The following TUBGCP6 variants were observed in gnomAD, a reference collection of about 807,000 sequenced individuals.
The protein encoded by TUBGCP6 is gamma-tubulin complex component 6.
A neutral mutation model predicts 175.8 loss-of-function variants in TUBGCP6; 161 were observed. The ratio of observed to expected loss-of-function variants is 0.92; its 90% CI spans 0.81 to 1.04. The LOEUF is 1.04. Ranked by LOEUF, TUBGCP6 falls within the 50% of genes least tolerant of loss-of-function variation. The pLI, the probability that TUBGCP6 is intolerant of heterozygous loss-of-function variation, is 0.00. For missense variants in TUBGCP6, 2,572 were observed against 2,433.0 expected (o/e 1.06, Z -1.20); for synonymous variants, 1,173 against 1,030.5 (o/e 1.14, Z -2.65).
Position 50,244,410 on chromosome 22 carries a change from G to A in TUBGCP6, c.50C>T (p.Pro17Leu), listed in dbSNP as rs374269657. The change falls in exon 1 of 25, where the codon CCG (proline) becomes CTG (leucine). Residue 17 changes from proline to leucine, a missense_variant. Physicochemically the swap from Pro to Leu is moderately conservative, Grantham distance 98 (BLOSUM62 -3). Transcript: ENST00000248846. ...LFDDLCEALLPAAKTHLGQRS... is the reference protein window; with the variant it reads ...LFDDLCEALLLAAKTHLGQRS... Reference sequence around the variant, plus strand: ...CTGGCCCAGGTGAGTCTTGGCAGCCGGCAGGAGGGCCTCACACAGGTCGTC... The same window carrying A: ...CTGGCCCAGGTGAGTCTTGGCAGCCAGCAGGAGGGCCTCACACAGGTCGTC... 24 of 1,613,024 alleles carry A rather than the reference G, an allele frequency of 1.5e-5. 1 individual carries two copies. The South Asian group carries it at 1.6e-4, about 11-fold the overall frequency.
chr22:50,237,364 G>C (rs2064789749), intron 2 of TUBGCP6, among the ~76,000 whole-genome samples: 1 of 152,250 alleles, frequency 6.6e-6, no homozygotes, highest in Admixed American at 6.5e-5. Context: ...CTAGCAGGTG[G>C]CTGGGATTTA....
chr22:50,218,967 G>C (rs1208325394), intron 20 of TUBGCP6, 70 bp from the exon 21 acceptor site: 1 of 1,588,116 alleles, frequency 6.3e-7, no homozygotes, highest in Non-Finnish European at 8.6e-7. Flanking sequence ...GCACCCCATG[G>C]GGCTGTGCCA....
intron 13 of TUBGCP6, chr22:50,223,313 A>G (rs2064556890): frequency 6.6e-6 from 1 of 152,368 alleles, no homozygotes. Context: ...GACCTACAGC[A>G]TCGCGTGGGG....
rs1344672297 is a variant in TUBGCP6, at chr22:50,231,890, A to AAAAC, written c.1116+1422_1116+1425dup. Reference sequence around the variant, plus strand: ...AAAAAAAAAAGAAAAGATGACTATGAAAACAAGAGAAAAAAATCAAGTTAC... The same window carrying AAAAC: ...AAAAAAAAAAGAAAAGATGACTATGAAAACAAACAAGAGAAAAAAATCAAGTTAC... On this transcript the variant is annotated intron_variant, in intron 3 of 24. Coordinates refer to ENST00000248846, the MANE Select transcript of TUBGCP6 (RefSeq NM_020461.4). Among the ~76,000 whole-genome samples, 50 of 150,876 alleles carry AAAAC rather than the reference A, an allele frequency of 3.3e-4. 1 individual carries two copies. The highest frequency in any genetic ancestry group is 1.0e-4 in the Non-Finnish European group (7 of 67,802).
chr22:50,224,684 A>G, intron 10 of TUBGCP6, 92 bp from the exon 11 acceptor site: 1 of 1,257,430 alleles, frequency 8.0e-7, no homozygotes, highest in Non-Finnish European at 1.1e-6. Context: ...AGGTGGGTAG[A>G]TCACATGAGC....
chr22:50,237,792 G>A (rs927176062), intron 2 of TUBGCP6, among the ~76,000 whole-genome samples: 2 of 152,208 alleles, frequency 1.3e-5, no homozygotes. Context: ...CTCCTCATCA[G>A]CAACCCGAAA....
intron 16 of TUBGCP6, 67 bp from the exon 17 acceptor site, chr22:50,220,082 C>T (rs1245365554): frequency 1.2e-4 from 194 of 1,568,770 alleles, no homozygotes; most frequent in Non-Finnish European, 1.6e-4. Flanking sequence ...AGAGCCGAGC[C>T]GGCCCTGGCT....
chr22:50,227,229 C>A, intron 5 of TUBGCP6, 152 bp from the exon 6 acceptor site: 1 of 690,496 alleles, frequency 1.4e-6, no homozygotes, highest in Non-Finnish European at 2.4e-6. Context: ...CCCAACCACC[C>A]AGAAACGGGC....
intron 1 of TUBGCP6, among the ~76,000 whole-genome samples, chr22:50,241,159 T>C (rs1338590939): frequency 6.6e-6 from 1 of 152,246 alleles, no homozygotes; most frequent in African/African-American, 2.4e-5. Flanking sequence ...ATAATAATCT[T>C]CGCTCTACAA....
intron 3 of TUBGCP6, 90 bp downstream of exon 3, chr22:50,233,226 G>A: frequency 1.4e-6 from 2 of 1,461,550 alleles, no homozygotes; most frequent in Non-Finnish European, 1.9e-6. Context: ...CCTGCACTGG[G>A]GCTTGTTCTG....
chr22:50,222,340 G>A lies in TUBGCP6; in HGVS notation c.2409+114C>T, dbSNP rs542629996. ...GGAGAGAGAGTGCTCTGCCGCAAAC[G>A]CGAAAGCCACCAGCCCTCTCCTAGA... is the stretch of plus-strand genomic sequence containing the variant. On this transcript the variant is annotated intron_variant, in intron 14 of 24. Coordinates refer to ENST00000248846, the MANE Select transcript of TUBGCP6 (RefSeq NM_020461.4). 3.2e-5 allele frequency: 48 copies of A among 1,484,460 alleles called. No homozygotes were observed. The African/African-American group carries it at 4.2e-4, about 13-fold the overall frequency. The allele number at this position is 1,484,460 out of a possible 1,614,324, so 92.0% of individuals were successfully genotyped here. A position where few individuals can be genotyped will look rare whatever the true frequency, so the allele number is the denominator to read the frequency against.
Position 50,243,874 on chromosome 22 carries a change from A to G in TUBGCP6, c.586T>C (p.Phe196Leu). Residue 196 changes from phenylalanine (F) to leucine (L), a missense_variant, in exon 1 of 25, where the codon TTC becomes CTC. Phe to Leu is a conservative substitution (Grantham distance 22). Coordinates refer to ENST00000248846, the MANE Select transcript of TUBGCP6 (RefSeq NM_020461.4). ...TCACCACAAGGGTCACCAAATGAGA[A>G]GAGCCCGACGGTGGGCAGGCCAGTG... Reference protein sequence around the residue: ...PGTGLPTVGLFSFGDPCGDRF... With the variant: ...PGTGLPTVGLLSFGDPCGDRF... 6.2e-7 allele frequency: 1 copy of G among 1,613,788 alleles called. No homozygotes were observed. The highest frequency in any genetic ancestry group is 8.5e-7 in the Non-Finnish European group (1 of 1,179,976).
chr22:50,232,492 G>A (rs1825721433), intron 3 of TUBGCP6, among the ~76,000 whole-genome samples: 2 of 152,048 alleles, frequency 1.3e-5, no homozygotes, highest in African/African-American at 4.8e-5. Flanking sequence ...CCAGGAGGTC[G>A]AGGCTACTGT....
rs1388499566 is a variant in TUBGCP6 at position 50,218,131 on chromosome 22, G to A, written c.5169-14C>T. ...GTGAGCAGGCCCCTGGGGGGAAGCA[G>A]TGCTGCTGGGTGGGCTGAGCCGTGA... On this transcript the variant is annotated splice_polypyrimidine_tract_variant and intron_variant, in intron 23 of 24. Transcript: ENST00000248846. 1 of 1,611,108 alleles carries A rather than the reference G, an allele frequency of 6.2e-7. No individual in the cohort carries two copies. Among genetic ancestry groups the A allele is most frequent in the South Asian group, 1.1e-5 (1 of 91,056 alleles).
At chr22:50,230,148 C>A (rs2064669869) in intron 3 of TUBGCP6, among the ~76,000 whole-genome samples, 1 of 152,172 alleles carries the variant, frequency 6.6e-6, no homozygotes, top group South Asian at 2.1e-4. Flanking sequence ...CACAACAGCA[C>A]CGTGTATACC....
chr22:50,221,914 A>G (rs1569112953), intron 15 of TUBGCP6, 40 bp from the exon 16 acceptor site: 4 of 1,542,624 alleles, frequency 2.6e-6, no homozygotes, highest in Non-Finnish European at 2.6e-6. Context: ...TGGTCTCAGG[A>G]CCCCCCAGCC....
intron 2 of TUBGCP6, among the ~76,000 whole-genome samples, chr22:50,234,831 C>T (rs978543207): frequency 7.0e-6 from 1 of 142,836 alleles, no homozygotes; most frequent in African/African-American, 2.7e-5. Context: ...CTGTCCACGA[C>T]AGCATCACCC....
rs2064884741 is a variant in TUBGCP6 at position 50,244,062 on chromosome 22, A to T, written c.398T>A (p.Phe133Tyr). ...PQVLPRKRDYFLNNKHVGRNV... is the reference protein window; with the variant it reads ...PQVLPRKRDYYLNNKHVGRNV... The stretch of plus-strand genomic sequence containing the variant: ...TCTCCCCACATGCTTGTTGTTAAGG[A>T]AGTAGTCTCGTTTTCTCGGCAGAAC... The change falls in exon 1 of 25, where the codon TTC (phenylalanine) becomes TAC (tyrosine). Residue 133 changes from phenylalanine (F) to tyrosine (Y), a missense_variant. Phe to Tyr is a conservative substitution (Grantham distance 22). Coordinates refer to ENST00000248846, the MANE Select transcript of TUBGCP6 (RefSeq NM_020461.4). 1.9e-6 allele frequency: 3 copies of T among 1,614,002 alleles called. No individual in the cohort carries two copies. Among genetic ancestry groups the T allele is most frequent in the Non-Finnish European group, 2.5e-6 (3 of 1,180,012 alleles).
In TUBGCP6 at chr22:50,229,537, G is replaced by C. The variant is rs1477851524; in HGVS notation, c.1157C>G (p.Ser386Ter). 1 of 1,603,096 alleles carries C rather than the reference G, an allele frequency of 6.2e-7. No individual in the cohort carries two copies. The highest frequency in any genetic ancestry group is 8.5e-7 in the Non-Finnish European group (1 of 1,175,378). Residue 386 changes from serine (S) to a stop codon, truncating the protein, a stop_gained, in exon 4 of 25, where the codon TCA becomes TGA. Transcript: ENST00000248846. LOFTEE classifies it high-confidence loss of function. ...AFVVKRGVHV[S>*]GASPESISSL... ...GCTGATGCTCTCGGGAGACGCTCCT[G>C]ACACGTGGACGCCCCGCTTCACCAC...
Sources: gnomAD v4.1 joint callset for allele counts (sites outside exome capture counted in the v4.1 genomes callset) on GRCh38, gnomAD v4.1.1 for gene constraint, MANE v1.5 for transcripts, NCBI Gene and HGNC (gene_info 2026-07-23, HGNC 2026-07-21) for gene names.